The following PRKCE variants were observed in gnomAD, a reference collection of about 807,000 sequenced individuals.
PRKCE encodes the protein protein kinase C epsilon, also known as protein kinase C epsilon type.
Under a neutral mutation model 85.4 loss-of-function variants are expected in PRKCE, and 16 were observed. The observed-to-expected ratio is 0.19, with a 90% CI of 0.13 to 0.28. PRKCE has a LOEUF of 0.28. Among genes scored for constraint, PRKCE ranks in the 10% least tolerant of loss-of-function variants. The pLI, the probability that PRKCE is intolerant of heterozygous loss-of-function variation, is 1.00. For missense variants in PRKCE, 573 were observed against 975.2 expected (o/e 0.59, Z 5.49); for synonymous variants, 388 against 371.5 (o/e 1.04, Z -0.51).
At chr2:45,686,270 T>C (rs1002415853) in intron 1 of PRKCE, 2 of 150,618 alleles carry the variant, frequency 1.3e-5, no homozygotes, top group African/African-American at 5.0e-5. Context: ...TTTAATTGTC[T>C]TCCTTTCTCT....
In PRKCE at chr2:45,828,689, A is replaced by G. The variant is rs113097424; in HGVS notation, c.349-14311A>G. 5.3e-3 allele frequency among the ~76,000 whole-genome samples: 812 copies of G among 152,250 alleles called. 11 individuals are homozygous for G. Among genetic ancestry groups the G allele is most frequent in the African/African-American group, 0.018 (767 of 41,552 alleles). ...GCAATTTACTCAGGTACTTTAATGG[A>G]TTGTTTAACCTCATTATGCCTCAGT... On this transcript the variant is annotated intron_variant, in intron 1 of 14. Transcript: ENST00000306156.
chr2:45,932,955 A>C (rs1699151494), intron 2 of PRKCE, among the ~76,000 whole-genome samples: 1 of 152,184 alleles, frequency 6.6e-6, no homozygotes, highest in South Asian at 2.1e-4. Flanking sequence ...CAAGTGTTAG[A>C]ATTTCTTCTT....
intron 10 of PRKCE, among the ~76,000 whole-genome samples, chr2:46,054,098 C>T (rs1033247664): frequency 5.3e-5 from 8 of 152,170 alleles, no homozygotes; most frequent in African/African-American, 1.7e-4. Context: ...TAGGCTAACA[C>T]TTATTTTGTG....
At chr2:45,770,585 C>T (rs772921532) in intron 1 of PRKCE, 1 of 152,182 alleles carries the variant, frequency 6.6e-6, no homozygotes, top group Non-Finnish European at 1.5e-5. Context: ...TGGTACCGCC[C>T]CCCACAACCA....
chr2:45,923,595 C>G (rs917337192), intron 2 of PRKCE, among the ~76,000 whole-genome samples: 12 of 152,324 alleles, frequency 7.9e-5, no homozygotes, highest in Admixed American at 7.2e-4. Flanking sequence ...TCAGCCCTGT[C>G]TTAGGTGCTG....
chr2:46,090,691 A>G (rs3768761), intron 11 of PRKCE, among the ~76,000 whole-genome samples: 3,656 of 152,002 alleles, frequency 0.024, 97 homozygotes, highest in East Asian at 0.11. Flanking sequence ...CTTTTATTTT[A>G]TGGATTTATG....
At chr2:45,858,505 T>C (rs901306648) in intron 2 of PRKCE, among the ~76,000 whole-genome samples, 1 of 152,174 alleles carries the variant, frequency 6.6e-6, no homozygotes. Flanking sequence ...ACTTATATTG[T>C]ATATCATGGG....
chr2:46,052,642 C>T (rs1450680998), intron 10 of PRKCE, among the ~76,000 whole-genome samples: 1 of 152,128 alleles, frequency 6.6e-6, no homozygotes, highest in Non-Finnish European at 1.5e-5. Context: ...ATTGACAAGC[C>T]GATCTTAAAA....
rs190311354 is a variant in PRKCE, at chr2:46,153,291, T to C, written c.1920+2062T>C. On this transcript the variant is annotated intron_variant, in intron 13 of 14. Transcript: ENST00000306156. ...TGCATTCATTTATTAAACAAATATT[T>C]ATTGAGCATCTAGTAAAGACTATTT... Among the ~76,000 whole-genome samples, 7 of 152,326 alleles carry C rather than the reference T, an allele frequency of 4.6e-5. No homozygotes were observed. The East Asian group carries it at 1.3e-3, about 29-fold the overall frequency.
intron 1 of PRKCE, among the ~76,000 whole-genome samples, chr2:45,671,879 G>T (rs1211806657): frequency 6.6e-6 from 1 of 151,980 alleles, no homozygotes; most frequent in East Asian, 1.9e-4. Context: ...TGGCCAACAT[G>T]GCAAGACACT....
intron 10 of PRKCE, among the ~76,000 whole-genome samples, chr2:46,050,392 C>T (rs1708782755): frequency 6.6e-6 from 1 of 152,218 alleles, no homozygotes; most frequent in Non-Finnish European, 1.5e-5. Context: ...TCCAGTGTTC[C>T]GCTCGTTAAA....
At chr2:46,100,877 T>A (rs1447749625) in intron 11 of PRKCE, among the ~76,000 whole-genome samples, 1 of 151,912 alleles carries the variant, frequency 6.6e-6, no homozygotes, top group Admixed American at 6.6e-5. Flanking sequence ...TTCTCTTCTC[T>A]TCTCTTTTCT....
chr2:45,804,354 C>T (rs1688088829), intron 1 of PRKCE, among the ~76,000 whole-genome samples: 2 of 152,250 alleles, frequency 1.3e-5, no homozygotes, highest in South Asian at 4.2e-4. Flanking sequence ...TGTGCAGGCC[C>T]CACCCCATCC....
At position 45,765,580 on chromosome 2, in the gene PRKCE, G is replaced by A. The variant is rs148774189; in HGVS notation, c.349-77420G>A. On this transcript the variant is annotated intron_variant, in intron 1 of 14. Transcript: ENST00000306156. The stretch of plus-strand genomic sequence containing the variant: ...ACCTCATCTTTGCCTCTGCAGTGGT[G>A]TCATTCTTTTTCACTTCTTTCTTCC... 9.0e-4 allele frequency among the ~76,000 whole-genome samples: 137 copies of A among 152,360 alleles called. 1 individual carries two copies. The East Asian group carries it at 0.026, about 29-fold the overall frequency.
chr2:46,113,330 A>T (rs755595011), intron 11 of PRKCE, among the ~76,000 whole-genome samples: 25 of 152,248 alleles, frequency 1.6e-4, no homozygotes, highest in Non-Finnish European at 2.8e-4. Context: ...GACGGTACTT[A>T]CAGATATCTG....
At chr2:45,983,937 A>T (rs1364667530) in intron 5 of PRKCE, among the ~76,000 whole-genome samples, 1 of 132,988 alleles carries the variant, frequency 7.5e-6, no homozygotes. Context: ...TGAAGGTACA[A>T]TTTTTTTTTT....
intron 6 of PRKCE, among the ~76,000 whole-genome samples, chr2:45,991,518 C>T (rs1558930054): frequency 6.6e-6 from 1 of 152,160 alleles, no homozygotes; most frequent in South Asian, 2.1e-4. Flanking sequence ...AGGCAGTGTA[C>T]AGACATCTAC....
At chr2:45,920,189 T>C (rs1698147103) in intron 2 of PRKCE, among the ~76,000 whole-genome samples, 2 of 152,112 alleles carry the variant, frequency 1.3e-5, no homozygotes, top group South Asian at 4.1e-4. Context: ...AAGAGAAAAA[T>C]GTATCTTAAG....
chr2:45,738,108 C>A (rs943030226), intron 1 of PRKCE, among the ~76,000 whole-genome samples: 1 of 152,152 alleles, frequency 6.6e-6, no homozygotes, highest in Admixed American at 6.5e-5. Context: ...TCCTAACTGG[C>A]CTCCCTGCTG....
Sources: allele counts gnomAD v4.1 joint callset (sites outside exome capture counted in the v4.1 genomes callset), GRCh38; gene constraint gnomAD v4.1.1; transcripts MANE v1.5; gene names NCBI Gene and HGNC (gene_info 2026-07-23, HGNC 2026-07-21).